Variants in EPRS1 observed in about 807,000 individuals in gnomAD.
EPRS1 encodes the protein bifunctional glutamate/proline--tRNA ligase.
EPRS1 carries 107 observed loss-of-function variants against 188.3 expected under a neutral mutation model. The observed-to-expected ratio is 0.57, with a 90% confidence interval of 0.49 to 0.67. The LOEUF (loss-of-function observed/expected upper bound fraction) is 0.67. Among genes scored for constraint, EPRS1 ranks in the 30% least tolerant of loss-of-function variants. The pLI is 0.00. For synonymous variants in EPRS1, 596 were observed against 593.1 expected (o/e 1.00, Z -0.07); for missense variants, 1,577 against 1,802.2 (o/e 0.88, Z 2.26).
intron 16 of EPRS1, among the ~76,000 whole-genome samples, chr1:220,002,337 G>GAAAA (rs59489422): frequency 6.9e-6 from 1 of 145,196 alleles, no homozygotes. Flanking sequence ...TGCCTCAATG[G>GAAAA]AAAAAAAAAA....
intron 20 of EPRS1, among the ~76,000 whole-genome samples, chr1:219,986,929 A>G (rs530749873): frequency 5.9e-5 from 9 of 152,324 alleles, no homozygotes; most frequent in Non-Finnish European, 1.3e-4. Flanking sequence ...ATGCACAGGA[A>G]CTTCTTACAT....
chr1:220,037,614 C>T (rs1473599599), intron 2 of EPRS1, among the ~76,000 whole-genome samples: 1 of 150,836 alleles, frequency 6.6e-6, no homozygotes, highest in Non-Finnish European at 1.5e-5. Flanking sequence ...GAGAGAAAAA[C>T]ATTTTTCAAA....
At chr1:220,043,052 C>T (rs1662329245) in intron 1 of EPRS1, among the ~76,000 whole-genome samples, 2 of 151,988 alleles carry the variant, frequency 1.3e-5, no homozygotes, top group South Asian at 4.1e-4. Flanking sequence ...TAATATGATT[C>T]AATGTATATG....
At chr1:220,045,608 G>C (rs995893743) in intron 1 of EPRS1, among the ~76,000 whole-genome samples, 1 of 152,048 alleles carries the variant, frequency 6.6e-6, no homozygotes, top group African/African-American at 2.4e-5. Context: ...AATAATCTTG[G>C]TCATGTCGAA....
intron 1 of EPRS1, 21 bp from the exon 2 acceptor site, chr1:220,040,290 T>C (rs774421894): frequency 8.3e-6 from 12 of 1,453,694 alleles, no homozygotes; most frequent in Admixed American, 1.8e-5. Context: ...TATGAAAAGA[T>C]TTTTTATCTT....
Position 219,981,380 on chromosome 1 carries a change from C to T in EPRS1, c.3451G>A (p.Val1151Met). ...PIKLNQWCNV[V>M]RWEFKHPQPF... ...TACAAGAGGGGGTGAATACCTACCACCACATTGCACCACTGATTGAGCTTG... is the reference window on the plus strand; with the variant it reads ...TACAAGAGGGGGTGAATACCTACCATCACATTGCACCACTGATTGAGCTTG... Residue 1151 changes from valine to methionine, a missense_variant and splice_region_variant, in exon 24 of 32, where the codon GTG (valine) becomes ATG (methionine). By Grantham distance (21) the Val-to-Met change is conservative. This residue lies in a region of EPRS1 where 1,278 missense variants were observed against 1,457.4 expected (regional missense o/e 0.88). Coordinates refer to ENST00000366923, the MANE Select transcript of EPRS1 (RefSeq NM_004446.3). 1 of 1,599,856 alleles carries T rather than the reference C, an allele frequency of 6.3e-7. No homozygotes were observed. The highest frequency in any genetic ancestry group is 8.5e-7 in the Non-Finnish European group (1 of 1,171,274).
At chr1:220,027,589 C>CACAA (rs1553253811) in intron 6 of EPRS1, among the ~76,000 whole-genome samples, 3 of 78,562 alleles carry the variant, frequency 3.8e-5, no homozygotes, top group Non-Finnish European at 6.9e-5. Flanking sequence ...GAGGCTATGT[C>CACAA]AAAAAAAAAA....
At chr1:220,021,186 GCTTTC>G (rs979774157) in intron 9 of EPRS1, among the ~76,000 whole-genome samples, 1 of 151,090 alleles carries the variant, frequency 6.6e-6, no homozygotes, top group Non-Finnish European at 1.5e-5. Context: ...CCCAACCAAT[GCTTTC>G]CTTTTTGTTT....
chr1:220,043,307 AAAC>A lies in EPRS1; in HGVS notation c.46+3033_46+3035del, dbSNP rs1341103616. ...ATAATTCAATAAAACTAATTTTTAA[AAAC>A]AAAATAATTTTAAATAGAAAATGAA... On this transcript the variant is annotated intron_variant, in intron 1 of 31. Coordinates refer to ENST00000366923, the MANE Select transcript of EPRS1 (RefSeq NM_004446.3). Among the ~76,000 whole-genome samples, 4 of 152,340 alleles carry A rather than the reference AAAC, an allele frequency of 2.6e-5. No individual in the cohort carries two copies. The East Asian group carries it at 7.7e-4, about 29-fold the overall frequency.
chr1:219,973,470 C>A, intron 28 of EPRS1, 72 bp from the exon 29 acceptor site: 3 of 979,510 alleles, frequency 3.1e-6, no homozygotes, highest in Non-Finnish European at 2.8e-6. Flanking sequence ...TAATTCATGG[C>A]TTTAGCTACC....
chr1:220,034,853 G>T, intron 3 of EPRS1, 61 bp downstream of exon 3: 2 of 901,140 alleles, frequency 2.2e-6, no homozygotes, highest in East Asian at 2.4e-5. Flanking sequence ...AAATGATGAG[G>T]TTCCCATAAA....
intron 1 of EPRS1, among the ~76,000 whole-genome samples, chr1:220,043,743 G>C (rs1662341518): frequency 6.6e-6 from 1 of 152,144 alleles, no homozygotes; most frequent in South Asian, 2.1e-4. Flanking sequence ...CTTAAACAGA[G>C]GATATTCTTC....
chr1:220,025,659 G>C (rs1022180894), intron 6 of EPRS1, among the ~76,000 whole-genome samples: 2 of 152,136 alleles, frequency 1.3e-5, no homozygotes, highest in African/African-American at 4.8e-5. Flanking sequence ...ACTGAGAACT[G>C]GGTGCCCACC....
intron 1 of EPRS1, 112 bp downstream of exon 1, chr1:220,046,231 A>G: frequency 2.3e-6 from 3 of 1,327,440 alleles, no homozygotes; most frequent in Admixed American, 3.6e-5. Flanking sequence ...GGCAGGTCCA[A>G]CATCCCAGAT....
chr1:220,043,151 G>A (rs1030413120), intron 1 of EPRS1, among the ~76,000 whole-genome samples: 3 of 152,118 alleles, frequency 2.0e-5, no homozygotes, highest in Non-Finnish European at 2.9e-5. Flanking sequence ...GCAAAGGGGC[G>A]TGAGAGGACT....
chr1:220,038,657 C>A (rs1010542194), intron 2 of EPRS1, among the ~76,000 whole-genome samples: 1 of 152,106 alleles, frequency 6.6e-6, no homozygotes, highest in African/African-American at 2.4e-5. Context: ...GGATTACAGG[C>A]TTGAGCCACT....
chr1:220,026,207 T>C (rs77420260), intron 6 of EPRS1, among the ~76,000 whole-genome samples: 3,517 of 152,318 alleles, frequency 0.023, 73 homozygotes, highest in East Asian at 0.067. Context: ...AAAAGAATTT[T>C]AACTAAATAA....
At chr1:220,005,730 C>T (rs1486005294) in intron 15 of EPRS1, among the ~76,000 whole-genome samples, 2 of 151,802 alleles carry the variant, frequency 1.3e-5, no homozygotes. Context: ...CCCAACTCTA[C>T]TATTTACTGT....
chr1:220,016,599 T>TTTTTG (rs1661719531), intron 12 of EPRS1, among the ~76,000 whole-genome samples: 1 of 142,666 alleles, frequency 7.0e-6, no homozygotes, highest in African/African-American at 2.7e-5. Context: ...TTTTTTTTTT[T>TTTTTG]GGAGAGATGG....
Sources: gnomAD v4.1 joint callset for allele counts (sites outside exome capture counted in the v4.1 genomes callset) on GRCh38, gnomAD v4.1.1 for gene constraint, gnomAD v4.1.1 regional missense constraint, MANE v1.5 for transcripts, NCBI Gene and HGNC (gene_info 2026-07-23, HGNC 2026-07-21) for gene names.